The following TYR variants were observed in gnomAD, a reference collection of about 807,000 sequenced individuals.
TYR encodes tyrosinase.
In TYR, 58 loss-of-function variants were observed where a neutral mutation model predicts 51.5. The observed-to-expected ratio is 1.13, with a 90% CI of 0.91 to 1.40. TYR has a LOEUF of 1.40. TYR is among the 40% of genes most tolerant of loss of function. TYR has a pLI of 0.00. For synonymous variants in TYR, 263 were observed against 235.2 expected, an observed-to-expected ratio of 1.12 and a Z score of -1.08; for missense variants, 732 against 647.4, an observed-to-expected ratio of 1.13 and a Z score of -1.42.
At chr11:89,196,945 T>C (rs991967521) in intron 2 of TYR, among the ~76,000 whole-genome samples, 11 of 152,326 alleles carry the variant, frequency 7.2e-5, no homozygotes, top group African/African-American at 2.6e-4. Context: ...CAGCTTATCT[T>C]ACTGAAAAGC....
At chr11:89,227,167 T>C (rs559751437) in intron 2 of TYR, among the ~76,000 whole-genome samples, 1 of 152,258 alleles carries the variant, frequency 6.6e-6, no homozygotes, top group South Asian at 2.1e-4. Flanking sequence ...ACAATAAACA[T>C]TTAGCATACT....
At chr11:89,211,821 A>G (rs1201824938) in intron 2 of TYR, among the ~76,000 whole-genome samples, 1 of 152,222 alleles carries the variant, frequency 6.6e-6, no homozygotes, top group East Asian at 1.9e-4. Flanking sequence ...CTACATGGAA[A>G]CTGAACAACC....
At position 89,247,414 on chromosome 11, in the gene TYR, G is replaced by A. The variant is rs568777838; in HGVS notation, c.1184+19444G>A. On this transcript the variant is annotated intron_variant, in intron 3 of 4. Coordinates refer to ENST00000263321, the MANE Select transcript of TYR (RefSeq NM_000372.5). ...GTTGTGGAGTGAAATATTAATCTAA[G>A]AGAGTTGAATTGCTTTCTATCAAGT... Among the ~76,000 whole-genome samples, 6 of 152,316 alleles carry A rather than the reference G, an allele frequency of 3.9e-5. No homozygotes were observed. In the South Asian group the frequency reaches 1.2e-3, roughly 32 times the overall value.
rs113961460 is a variant in TYR, at chr11:89,269,787, T to A, written c.1185-14986T>A. 6.8e-4 allele frequency among the ~76,000 whole-genome samples: 104 copies of A among 152,074 alleles called. 1 individual carries two copies. The highest frequency in any genetic ancestry group is 2.3e-3 in the African/African-American group (95 of 41,550). On this transcript the variant is annotated intron_variant, in intron 3 of 4. Coordinates refer to ENST00000263321, the MANE Select transcript of TYR (RefSeq NM_000372.5). ...CTACTCTTAAAGTGTGGAGTTCTCT[T>A]AAAGGGGCTGTTTTTCAGTGAAAAT...
chr11:89,274,744 C>G (rs1944631946), intron 3 of TYR, among the ~76,000 whole-genome samples: 1 of 151,800 alleles, frequency 6.6e-6, no homozygotes, highest in African/African-American at 2.4e-5. Flanking sequence ...GTTAGGATGC[C>G]TTGTATAAGC....
In TYR at chr11:89,238,020, GA is replaced by G. The variant is rs1450985862; in HGVS notation, c.1184+10053del. On this transcript the variant is annotated intron_variant, in intron 3 of 4. Transcript: ENST00000263321. ...CTGGCTAATTTTTGTATTTTTAGTA[GA>G]AATGGGGTTTCACCATGTTGGCCAG... Among the ~76,000 whole-genome samples, 4 of 151,828 alleles carry G rather than the reference GA, an allele frequency of 2.6e-5. No individual in the cohort carries two copies. The East Asian group carries it at 7.8e-4, about 29-fold the overall frequency.
rs1943254410 is a variant in TYR at position 89,178,339 on chromosome 11, C to T, written c.386C>T (p.Pro129Leu). ...AGAAACATCTTCGATTTGAGTGCCC[C>T]AGAGAAGGACAAATTTTTTGCCTAC... ...VRRNIFDLSA[P>L]EKDKFFAYLT... is the part of the protein sequence containing the mutation. The change falls in exon 1 of 5, where the codon CCA (proline) becomes CTA (leucine). Residue 129 changes from proline to leucine, a missense_variant. Pro to Leu is a moderately conservative substitution (Grantham distance 98). Coordinates refer to ENST00000263321, the MANE Select transcript of TYR (RefSeq NM_000372.5). 1.2e-6 allele frequency: 2 copies of T among 1,614,030 alleles called. No individual in the cohort carries two copies. The highest frequency in any genetic ancestry group is 1.7e-6 in the Non-Finnish European group (2 of 1,180,044).
chr11:89,191,074 G>A (rs765267048), intron 1 of TYR, 128 bp from the exon 2 acceptor site: 2 of 804,394 alleles, frequency 2.5e-6, no homozygotes, highest in Non-Finnish European at 4.2e-6. Flanking sequence ...TGTCATTAAA[G>A]ACACATGATT....
chr11:89,195,057 C>G (rs543839636), intron 2 of TYR, among the ~76,000 whole-genome samples: 2 of 152,186 alleles, frequency 1.3e-5, no homozygotes, highest in South Asian at 4.1e-4. Flanking sequence ...GTGTCTTGGT[C>G]TATAAGGAGT....
chr11:89,199,283 G>A (rs1943566372), intron 2 of TYR, among the ~76,000 whole-genome samples: 1 of 152,098 alleles, frequency 6.6e-6, no homozygotes, highest in Non-Finnish European at 1.5e-5. Flanking sequence ...GTAATGGGAT[G>A]GCTGAGTCAA....
intron 3 of TYR, among the ~76,000 whole-genome samples, chr11:89,265,610 C>A (rs1393049923): frequency 6.6e-6 from 1 of 151,998 alleles, no homozygotes; most frequent in Non-Finnish European, 1.5e-5. Context: ...TCTGAGTTTT[C>A]TCCTTTGATG....
intron 4 of TYR, among the ~76,000 whole-genome samples, chr11:89,285,252 T>C (rs1469699373): frequency 6.6e-6 from 1 of 151,716 alleles, no homozygotes; most frequent in Non-Finnish European, 1.5e-5. Flanking sequence ...CAACTGACTG[T>C]AAGGTGACCT....
At chr11:89,200,269 G>T (rs960238360) in intron 2 of TYR, 2 of 152,094 alleles carry the variant, frequency 1.3e-5, no homozygotes, top group South Asian at 2.1e-4. Context: ...GTAGAGATGG[G>T]ATTTCTCCAT....
At chr11:89,269,363 T>C (rs1944562839) in intron 3 of TYR, among the ~76,000 whole-genome samples, 1 of 151,962 alleles carries the variant, frequency 6.6e-6, no homozygotes, top group Non-Finnish European at 1.5e-5. Context: ...GCCTGGCTCA[T>C]TTTATTTGAG....
chr11:89,215,205 C>A (rs76629562), intron 2 of TYR, among the ~76,000 whole-genome samples: 3,844 of 152,170 alleles, frequency 0.025, 175 homozygotes, highest in African/African-American at 0.089. Flanking sequence ...GAGAAGCTTG[C>A]AGTTGAGATA....
At chr11:89,218,594 T>C (rs1342342536) in intron 2 of TYR, among the ~76,000 whole-genome samples, 1 of 152,210 alleles carries the variant, frequency 6.6e-6, no homozygotes, top group Non-Finnish European at 1.5e-5. Flanking sequence ...CTTTCCTACA[T>C]CTTTACAAAA....
intron 2 of TYR, among the ~76,000 whole-genome samples, chr11:89,196,055 AT>A (rs918252811): frequency 1.3e-5 from 2 of 152,198 alleles, no homozygotes; most frequent in African/African-American, 4.8e-5. Flanking sequence ...CATATGTAAA[AT>A]GTGGATAACA....
At chr11:89,283,907 T>C (rs988080110) in intron 3 of TYR, 2 of 151,822 alleles carry the variant, frequency 1.3e-5, no homozygotes, top group Non-Finnish European at 2.9e-5. Context: ...GAGAGGCTAC[T>C]GAGTAGCTCA....
chr11:89,227,709 G>A, intron 2 of TYR, 114 bp from the exon 3 acceptor site: 1 of 914,514 alleles, frequency 1.1e-6, no homozygotes, highest in Non-Finnish European at 1.7e-6. Flanking sequence ...TTTTATTTTT[G>A]ATTTTATATT....
Sources: allele counts gnomAD v4.1 joint callset (sites outside exome capture counted in the v4.1 genomes callset), GRCh38; gene constraint gnomAD v4.1.1; transcripts MANE v1.5; gene names NCBI Gene and HGNC (gene_info 2026-07-23, HGNC 2026-07-21).